Variants in PTPRD observed in about 807,000 individuals in gnomAD.
The protein encoded by PTPRD is protein tyrosine phosphatase receptor type D, also known as receptor-type tyrosine-protein phosphatase delta.
PTPRD carries 34 observed loss-of-function variants against 214.5 expected under a neutral mutation model. The observed-to-expected ratio is 0.16, with a 90% CI of 0.12 to 0.21. The LOEUF (loss-of-function observed/expected upper bound fraction) is 0.21, where lower values mean the gene tolerates loss of function less well. PTPRD is among the 10% of genes least tolerant of loss of function. The pLI, the probability that PTPRD is intolerant of heterozygous loss-of-function variation, is 1.00. For missense variants in PTPRD, 2,545 were observed against 2,398.7 expected (o/e 1.06, Z -1.27); for synonymous variants, 1,128 against 845.7 (o/e 1.33, Z -5.79).
Position 9,777,588 on chromosome 9 carries a change from C to T in PTPRD, c.-367-10737G>A, listed in dbSNP as rs117543086. 0.034 allele frequency among the ~76,000 whole-genome samples: 5,165 copies of T among 152,122 alleles called. 566 individuals carry two copies. In the East Asian group the frequency reaches 0.39, roughly 12 times the overall value. On this transcript the variant is annotated intron_variant, in intron 5 of 45. Coordinates refer to ENST00000381196, the MANE Select transcript of PTPRD (RefSeq NM_002839.4). ...TGGCACATGCCTGTTGTCCCAGCTA[C>T]TCAAGAGCCGGAGGTGGGAGAATTG...
intron 3 of PTPRD, among the ~76,000 whole-genome samples, chr9:10,335,990 G>A (rs1346025762): frequency 1.3e-5 from 2 of 151,734 alleles, no homozygotes; most frequent in Non-Finnish European, 3.0e-5. Context: ...CATTGCTGGT[G>A]GGAGTGCAAA....
At chr9:10,587,446 TAA>T (rs1019648999) in intron 2 of PTPRD, among the ~76,000 whole-genome samples, 15 of 152,116 alleles carry the variant, frequency 9.9e-5, no homozygotes, top group African/African-American at 3.6e-4. Flanking sequence ...ATCCATATCA[TAA>T]GAGTGAAAAT....
At chr9:8,988,937 T>C (rs2099355908) in intron 11 of PTPRD, among the ~76,000 whole-genome samples, 1 of 152,126 alleles carries the variant, frequency 6.6e-6, no homozygotes, top group Non-Finnish European at 1.5e-5. Context: ...GCATTCAGAA[T>C]TGGGAAAGCT....
rs376615891 is a variant in PTPRD at position 9,947,502 on chromosome 9, T to A, written c.-471-8892A>T. 5.8e-3 allele frequency among the ~76,000 whole-genome samples: 126 copies of A among 21,838 alleles called. 1 individual carries two copies. Among genetic ancestry groups the A allele is most frequent in the African/African-American group, 0.025 (123 of 4,926 alleles). The allele number at this position is 21,838 out of a possible 152,430, so 14.3% of individuals were successfully genotyped here. On this transcript the variant is annotated intron_variant, in intron 4 of 45. Coordinates refer to ENST00000381196, the MANE Select transcript of PTPRD (RefSeq NM_002839.4). ...ATATTTTATATATATTATATATATT[T>A]TATATATATAATATATATATTATAT...
At chr9:8,803,968 C>G (rs1024870312) in intron 11 of PTPRD, among the ~76,000 whole-genome samples, 2 of 151,770 alleles carry the variant, frequency 1.3e-5, no homozygotes, top group East Asian at 1.9e-4. Context: ...CTCCACCCCC[C>G]CACAGACGGA....
At chr9:8,559,601 A>G (rs948491086) in intron 14 of PTPRD, among the ~76,000 whole-genome samples, 1 of 152,190 alleles carries the variant, frequency 6.6e-6, no homozygotes, top group Admixed American at 6.5e-5. Flanking sequence ...GAAGCCCAAC[A>G]GATTCACTCC....
intron 39 of PTPRD, among the ~76,000 whole-genome samples, chr9:8,367,501 G>A (rs143063114): frequency 6.6e-6 from 1 of 152,248 alleles, no homozygotes; most frequent in Non-Finnish European, 1.5e-5. Flanking sequence ...GATCTAAAAT[G>A]TCCAAACTGC....
chr9:9,509,462 A>T (rs933514386), intron 8 of PTPRD, among the ~76,000 whole-genome samples: 1 of 151,340 alleles, frequency 6.6e-6, no homozygotes, highest in Non-Finnish European at 1.5e-5. Context: ...CTGGACAATG[A>T]CACACCAGAC....
At chr9:9,845,254 A>C (rs1305992715) in intron 5 of PTPRD, among the ~76,000 whole-genome samples, 2 of 145,162 alleles carry the variant, frequency 1.4e-5, no homozygotes, top group East Asian at 2.0e-4. Flanking sequence ...TAACAATTCT[A>C]TTTAGAAACC....
chr9:10,448,186 T>C (rs2098812729), intron 2 of PTPRD, among the ~76,000 whole-genome samples: 1 of 152,026 alleles, frequency 6.6e-6, no homozygotes, highest in Non-Finnish European at 1.5e-5. Context: ...CATAACTAAA[T>C]AGGGTGGAAA....
intron 11 of PTPRD, among the ~76,000 whole-genome samples, chr9:8,872,619 T>A (rs2154208944): frequency 6.6e-6 from 1 of 152,312 alleles, no homozygotes; most frequent in East Asian, 1.9e-4. Flanking sequence ...AAATAGCACA[T>A]CCTCTAGCAT....
chr9:10,392,481 C>A (rs1378261107), intron 2 of PTPRD, among the ~76,000 whole-genome samples: 1 of 151,850 alleles, frequency 6.6e-6, no homozygotes, highest in Non-Finnish European at 1.5e-5. Flanking sequence ...TATGTAACAT[C>A]ATTCCTTATT....
chr9:8,800,549 C>T (rs76462120), intron 11 of PTPRD, among the ~76,000 whole-genome samples: 5,761 of 152,266 alleles, frequency 0.038, 368 homozygotes, highest in African/African-American at 0.13. Flanking sequence ...CCCACCAACA[C>T]TATGACAGTT....
chr9:8,813,564 G>A (rs1022282159), intron 11 of PTPRD, among the ~76,000 whole-genome samples: 1 of 152,006 alleles, frequency 6.6e-6, no homozygotes, highest in Non-Finnish European at 1.5e-5. Context: ...TTAAAGACAA[G>A]GTCTTGCTTT....
rs544585080 is a variant in PTPRD at position 9,170,889 on chromosome 9, G to A, written c.-143+12415C>T. On this transcript the variant is annotated intron_variant, in intron 10 of 45. Transcript: ENST00000381196. The stretch of plus-strand genomic sequence containing the variant: ...AAGCAAGATGGTCCAGAATGATAAT[G>A]AGCCAGCCTCAGGATCTGTGGAATT... Among the ~76,000 whole-genome samples, 330 of 152,218 alleles carry A rather than the reference G, an allele frequency of 2.2e-3. 3 individuals carry two copies. Among genetic ancestry groups the A allele is most frequent in the African/African-American group, 7.7e-3 (319 of 41,524 alleles).
In PTPRD at chr9:9,215,149, T is replaced by G. The variant is rs140256949; in HGVS notation, c.-202-31786A>C. ...TACAACCTAGCAAAATTGGTCCATG[T>G]GCATTTGTGAAGAAACTTCCTTTAG... is the stretch of plus-strand genomic sequence containing the variant. On this transcript the variant is annotated intron_variant, in intron 9 of 45. Transcript: ENST00000381196. 7.3e-3 allele frequency among the ~76,000 whole-genome samples: 1,111 copies of G among 152,300 alleles called. 12 individuals are homozygous for G. Among genetic ancestry groups the G allele is most frequent in the Middle Eastern group, 0.014 (4 of 294 alleles).
intron 8 of PTPRD, among the ~76,000 whole-genome samples, chr9:9,448,753 A>G: frequency 6.6e-6 from 1 of 152,038 alleles, no homozygotes; most frequent in African/African-American, 2.4e-5. Flanking sequence ...TTCTTGGTGT[A>G]GTTCAAAGAG....
intron 12 of PTPRD, among the ~76,000 whole-genome samples, chr9:8,648,664 C>A (rs1158375135): frequency 2.0e-5 from 3 of 152,184 alleles, no homozygotes. Context: ...TATACTGAAA[C>A]AGATGAGAAA....
intron 35 of PTPRD, among the ~76,000 whole-genome samples, chr9:8,406,003 C>T (rs1500336): frequency 0.93 from 141,255 of 152,294 alleles, 65,527 homozygotes; most frequent in Middle Eastern, 0.96. Flanking sequence ...CTCAGCAGTA[C>T]AGATTCCAGC....
Sources: gnomAD v4.1 joint callset for allele counts (sites outside exome capture counted in the v4.1 genomes callset) on GRCh38, gnomAD v4.1.1 for gene constraint, MANE v1.5 for transcripts, NCBI Gene and HGNC (gene_info 2026-07-23, HGNC 2026-07-21) for gene names.